Variants in CARS1 observed in about 807,000 individuals in gnomAD.
The protein encoded by CARS1 is cysteinyl-tRNA synthetase 1, also known as cysteine--tRNA ligase, cytoplasmic.
In CARS1, 48 loss-of-function variants were observed where a neutral mutation model predicts 106.2. The ratio of observed to expected loss-of-function variants is 0.45; its 90% CI spans 0.36 to 0.57. The LOEUF (loss-of-function observed/expected upper bound fraction) is 0.57, where lower values mean the gene tolerates loss of function less well. Among genes scored for constraint, CARS1 ranks in the 20% least tolerant of loss-of-function variants. CARS1 has a pLI of 0.00. For synonymous variants in CARS1, 409 were observed against 403.4 expected (o/e 1.01, Z -0.17); for missense variants, 968 against 1,057.2 (o/e 0.92, Z 1.17).
At chr11:3,010,700 C>G (rs1057252550) in intron 18 of CARS1, among the ~76,000 whole-genome samples, 1 of 152,228 alleles carries the variant, frequency 6.6e-6, no homozygotes, top group Non-Finnish European at 1.5e-5. Context: ...CCCGAGCTCC[C>G]GAAACTCTTT....
intron 1 of CARS1, among the ~76,000 whole-genome samples, chr11:3,055,572 G>A (rs1156488162): frequency 6.6e-6 from 1 of 152,248 alleles, no homozygotes; most frequent in Non-Finnish European, 1.5e-5. Flanking sequence ...GCAGGCTGAG[G>A]ACTGGGCAAT....
At chr11:3,015,932 T>C (rs890647116) in intron 16 of CARS1, 83 bp from the exon 17 acceptor site, 2 of 1,175,544 alleles carry the variant, frequency 1.7e-6, no homozygotes, top group Non-Finnish European at 2.5e-6. Context: ...GTGTTCCTCG[T>C]TCACGGGAGG....
chr11:3,049,355 G>A (rs931762982), intron 1 of CARS1, among the ~76,000 whole-genome samples: 1 of 152,152 alleles, frequency 6.6e-6, no homozygotes, highest in African/African-American at 2.4e-5. Flanking sequence ...CTACTGTCAG[G>A]AATTAGGGAA....
rs1465053078 is a variant in CARS1 at position 3,047,867 on chromosome 11, GC to G, written c.159del (p.Gln53HisfsTer21). 2 of 1,614,034 alleles carry G rather than the reference GC, an allele frequency of 1.2e-6. No homozygotes were observed. Among genetic ancestry groups the G allele is most frequent in the Admixed American group, 1.7e-5 (1 of 60,014 alleles). ...TGGGGGTCAGCGGGCGGGGCCGAGA[GC>G]TGCCTGAACGCGTCCACGTCTGCCT... The part of the protein sequence containing the change: ...LSQADVDAFR[Q>X]LSAPPADPQL... On this transcript the variant is annotated frameshift_variant, in exon 2 of 23. Transcript: ENST00000380525. LOFTEE classifies it high-confidence loss of function.
intron 2 of CARS1, 84 bp from the exon 3 acceptor site, chr11:3,042,340 T>C: frequency 1.1e-6 from 1 of 888,312 alleles, no homozygotes; most frequent in Non-Finnish European, 1.8e-6. Context: ...ACTTGGTTTT[T>C]ACAACGGGAC....
Position 3,044,190 on chromosome 11 carries a change from G to A in CARS1, c.275-1934C>T, listed in dbSNP as rs745902692. 9.9e-5 allele frequency among the ~76,000 whole-genome samples: 15 copies of A among 152,104 alleles called. No homozygotes were observed. Among genetic ancestry groups the A allele is most frequent in the Non-Finnish European group, 1.8e-4 (12 of 68,026 alleles). On this transcript the variant is annotated intron_variant, in intron 2 of 22. Transcript: ENST00000380525. The surrounding 1 kb of genome is among the most constrained non-coding windows in gnomAD (Gnocchi z 4.4). Reference sequence around the variant, plus strand: ...CCCAGAAACACAGCCATGAGGCCACGGGATCATCACACTCACCCTGCTATG... The same window carrying A: ...CCCAGAAACACAGCCATGAGGCCACAGGATCATCACACTCACCCTGCTATG...
Position 3,029,754 on chromosome 11 carries a change from G to A in CARS1, c.802-311C>T, listed in dbSNP as rs527485645. 16 of 402,722 alleles carry A rather than the reference G, an allele frequency of 4.0e-5. No individual in the cohort carries two copies. Among genetic ancestry groups the A allele is most frequent in the South Asian group, 2.0e-4 (5 of 25,618 alleles). The allele number at this position is 402,722 out of a possible 1,614,324, so 24.9% of individuals were successfully genotyped here. On this transcript the variant is annotated intron_variant, in intron 7 of 22. Transcript: ENST00000380525. This position sits in a 1 kb window ranked among gnomAD's most constrained non-coding sequence, Gnocchi z 5.9. ...TGAGCATGTGCAGCCTACCTGGGCC[G>A]TGCAGGGCAGGGTTATGGGCAGAGG...
intron 17 of CARS1, among the ~76,000 whole-genome samples, chr11:3,015,411 G>A (rs1464344806): frequency 3.3e-5 from 5 of 152,242 alleles, no homozygotes; most frequent in East Asian, 1.9e-4. Flanking sequence ...GCAGCCTTTC[G>A]ATGAAGCATT....
Position 3,017,190 on chromosome 11 carries a change from A to G in CARS1, c.1833T>C (p.Tyr611=), listed in dbSNP as rs765280525. Residue 611 remains tyrosine, a synonymous_variant, in exon 16 of 23, where the codon TAT becomes TAC. Transcript: ENST00000380525. The surrounding 1 kb of genome is among the most constrained non-coding windows in gnomAD (Gnocchi z 4.9). ...MRALVSQCNL[Y]MAARKAVRKR... is the part of the protein sequence containing the mutation. Reference sequence around the variant, plus strand: ...TCCTCACGGCTTTCCGGGCTGCCATATAGAGGTTGCACTGACTGACCAAGG... The same window carrying G: ...TCCTCACGGCTTTCCGGGCTGCCATGTAGAGGTTGCACTGACTGACCAAGG... 1 of 1,614,166 alleles carries G rather than the reference A, an allele frequency of 6.2e-7. No homozygotes were observed. The highest frequency in any genetic ancestry group is 2.2e-5 in the East Asian group (1 of 44,884).
At position 3,029,879 on chromosome 11, in the gene CARS1, AG is replaced by A. The variant is rs1312327456; in HGVS notation, c.802-437del. On this transcript the variant is annotated intron_variant, in intron 7 of 22. Transcript: ENST00000380525. This position sits in a 1 kb window ranked among gnomAD's most constrained non-coding sequence, Gnocchi z 5.9. The stretch of plus-strand genomic sequence containing the variant: ...CAGCCAGAGGTTAGGAGAGATAGGC[AG>A]GGCACTGGTCCCAGAGGTCTCAAAA... The A allele has an allele frequency of 6.1e-6, 1 of 164,524 alleles. No individual in the cohort carries two copies. The highest frequency in any genetic ancestry group is 1.8e-4 in the East Asian group (1 of 5,620). The allele number at this position is 164,524 out of a possible 1,614,324, so 10.2% of individuals were successfully genotyped here.
chr11:3,018,419 T>C lies in CARS1; in HGVS notation c.1618A>G (p.Lys540Glu). The change falls in exon 14 of 23, where the codon AAG (lysine) becomes GAG (glutamate). Residue 540 changes from lysine (K) to glutamate (E), a missense_variant. By Grantham distance (56) the Lys-to-Glu change is moderately conservative. Transcript: ENST00000380525. ...GGCTGGGGACTCACATTCAAGAACTTCTCATATTGAAGCGCTGACTCCATG... is the reference window on the plus strand; with the variant it reads ...GGCTGGGGACTCACATTCAAGAACTCCTCATATTGAAGCGCTGACTCCATG... Reference protein sequence around the residue: ...NTMESALQYEKFLNEFFLNVK... With the variant: ...NTMESALQYEEFLNEFFLNVK... 6.2e-7 allele frequency: 1 copy of C among 1,612,366 alleles called. No homozygotes were observed. Among genetic ancestry groups the C allele is most frequent in the South Asian group, 1.1e-5 (1 of 91,018 alleles).
rs536323059 is a variant in CARS1, at chr11:3,027,828, G to GT, written c.1032-1032dup. 1.6e-3 allele frequency: 719 copies of GT among 454,818 alleles called. 6 individuals carry two copies. Among genetic ancestry groups the GT allele is most frequent in the African/African-American group, 0.013 (651 of 50,142 alleles). The allele number at this position is 454,818 out of a possible 1,614,324, so 28.2% of individuals were successfully genotyped here. A position where few individuals can be genotyped will look rare whatever the true frequency, so the allele number is the denominator to read the frequency against. On this transcript the variant is annotated intron_variant, in intron 9 of 22. Coordinates refer to ENST00000380525, the MANE Select transcript of CARS1 (RefSeq NM_001014437.3). ...AAGCGGACTGTGGTCTAGCGGTAGCGTAAGTGTCAAGGAAAAACACCCGCT... is the reference window on the plus strand; with the variant it reads ...AAGCGGACTGTGGTCTAGCGGTAGCGTTAAGTGTCAAGGAAAAACACCCGCT...
At chr11:3,005,621 T>A (rs187606038) in intron 19 of CARS1, among the ~76,000 whole-genome samples, 188 bp from the exon 20 acceptor site, 1 of 143,508 alleles carries the variant, frequency 7.0e-6, no homozygotes, top group East Asian at 2.1e-4. Flanking sequence ...TTTTGGTTTG[T>A]GTGTGTGTGA....
Position 3,038,234 on chromosome 11 carries a change from A to T in CARS1, c.652-35T>A, listed in dbSNP as rs201110022. The T allele has an allele frequency of 5.7e-6, 9 of 1,591,670 alleles. No individual in the cohort carries two copies. In the East Asian group the frequency reaches 2.0e-4, roughly 36 times the overall value. ...TAAAGAGACGTCAAATCTATTAGAT[A>T]CTGCTCAGCAAAACCTAAATTCATA... On this transcript the variant is annotated intron_variant, in intron 6 of 22. Coordinates refer to ENST00000380525, the MANE Select transcript of CARS1 (RefSeq NM_001014437.3). This position sits in a 1 kb window ranked among gnomAD's most constrained non-coding sequence, Gnocchi z 4.0.
Position 3,050,099 on chromosome 11 carries a change from G to A in CARS1, c.26-2098C>T, listed in dbSNP as rs1245856262. ...CGTGATGCCCCAAGGCCCAGCCTCC[G>A]TGGCTGCCGGAGAAGATGTCCTGAA... On this transcript the variant is annotated intron_variant, in intron 1 of 22. Coordinates refer to ENST00000380525, the MANE Select transcript of CARS1 (RefSeq NM_001014437.3). This position sits in a 1 kb window ranked among gnomAD's most constrained non-coding sequence, Gnocchi z 6.3. 2.0e-5 allele frequency among the ~76,000 whole-genome samples: 3 copies of A among 152,212 alleles called. No homozygotes were observed. Among genetic ancestry groups the A allele is most frequent in the South Asian group, 4.1e-4 (2 of 4,830 alleles).
chr11:3,026,913 T>A, intron 9 of CARS1, 116 bp from the exon 10 acceptor site: 2 of 1,127,744 alleles, frequency 1.8e-6, no homozygotes, highest in Non-Finnish European at 2.5e-6. Context: ...GTGGCCTATC[T>A]ACTCTCTGTG....
intron 17 of CARS1, among the ~76,000 whole-genome samples, chr11:3,012,541 G>A (rs190007245): frequency 2.6e-4 from 39 of 152,346 alleles, no homozygotes; most frequent in African/African-American, 9.1e-4. Context: ...GTCTGCCGCC[G>A]CTCTGCCCAG....
chr11:3,024,628 TG>T (rs1226434847), intron 10 of CARS1, among the ~76,000 whole-genome samples: 3 of 152,106 alleles, frequency 2.0e-5, no homozygotes, highest in Admixed American at 1.3e-4. Context: ...TTAAATTTTT[TG>T]TAGAAAGGGG....
chr11:3,043,962 AAAC>A lies in CARS1; in HGVS notation c.275-1709_275-1707del, dbSNP rs1035286390. 3.9e-5 allele frequency among the ~76,000 whole-genome samples: 6 copies of A among 152,134 alleles called. No individual in the cohort carries two copies. Among genetic ancestry groups the A allele is most frequent in the Admixed American group, 2.0e-4 (3 of 15,274 alleles). ...GCGTAGGCAATCTCCAATCTTAATC[AAAC>A]ATCATGTGCTTATTGAGGCCAAGTG... On this transcript the variant is annotated intron_variant, in intron 2 of 22. Transcript: ENST00000380525. This position sits in a 1 kb window ranked among gnomAD's most constrained non-coding sequence, Gnocchi z 4.0.
Sources: gnomAD v4.1 joint callset for allele counts (sites outside exome capture counted in the v4.1 genomes callset) on GRCh38, gnomAD v4.1.1 for gene constraint, Gnocchi (gnomAD v3.1) non-coding constraint, MANE v1.5 for transcripts, NCBI Gene and HGNC (gene_info 2026-07-23, HGNC 2026-07-21) for gene names.